GRID2: variants seen among roughly 807,000 people sequenced by gnomAD.
GRID2 encodes glutamate ionotropic receptor delta type subunit 2.
Under a neutral mutation model 114.8 loss-of-function variants are expected in GRID2, and 33 were observed. The ratio of observed to expected loss-of-function variants is 0.29; its 90% CI spans 0.22 to 0.38. GRID2 has a LOEUF of 0.38. GRID2 is among the 10% of genes least tolerant of loss of function. GRID2 has a pLI of 1.00. For synonymous variants in GRID2, 505 were observed against 449.9 expected (o/e 1.12, Z -1.55); for missense variants, 1,184 against 1,257.7 (o/e 0.94, Z 0.89).
chr4:92,565,867 A>C (rs1027601475), intron 1 of GRID2, among the ~76,000 whole-genome samples: 3 of 152,082 alleles, frequency 2.0e-5, no homozygotes, highest in African/African-American at 7.2e-5. Flanking sequence ...AAATTACCAC[A>C]AACTTAGCAA....
chr4:93,747,947 G>A (rs1433270175), intron 14 of GRID2, among the ~76,000 whole-genome samples: 1 of 151,866 alleles, frequency 6.6e-6, no homozygotes, highest in East Asian at 1.9e-4. Context: ...AACTTGCAGA[G>A]GAAATGTCTT....
chr4:92,463,587 G>A (rs1721600981), intron 1 of GRID2, among the ~76,000 whole-genome samples: 1 of 151,810 alleles, frequency 6.6e-6, no homozygotes, highest in East Asian at 1.9e-4. Context: ...TCAATCCTGA[G>A]GTATCAAATC....
At chr4:93,053,303 G>C (rs1726898293) in intron 2 of GRID2, among the ~76,000 whole-genome samples, 1 of 151,922 alleles carries the variant, frequency 6.6e-6, no homozygotes. Context: ...AGATGATTCT[G>C]ATGCATGCCA....
intron 1 of GRID2, among the ~76,000 whole-genome samples, chr4:92,521,260 A>G (rs1724762696): frequency 6.6e-6 from 1 of 151,944 alleles, no homozygotes; most frequent in African/African-American, 2.4e-5. Context: ...TTGAAATTTC[A>G]CAGTTGTCTT....
intron 8 of GRID2, among the ~76,000 whole-genome samples, chr4:93,295,942 G>A (rs913275594): frequency 1.3e-5 from 2 of 152,304 alleles, no homozygotes; most frequent in African/African-American, 4.8e-5. Flanking sequence ...TTGTGAATTT[G>A]ACTACAGCAG....
chr4:92,917,030 T>C (rs951177349), intron 2 of GRID2, among the ~76,000 whole-genome samples: 18 of 152,172 alleles, frequency 1.2e-4, no homozygotes, highest in African/African-American at 4.3e-4. Flanking sequence ...ACCTGTTGTT[T>C]CCTGACATTT....
At chr4:92,333,961 G>C (rs1408604058) in intron 1 of GRID2, among the ~76,000 whole-genome samples, 2 of 151,988 alleles carry the variant, frequency 1.3e-5, no homozygotes. Flanking sequence ...AATCTTCTGG[G>C]CCCTTGCAAT....
At chr4:93,459,808 C>T (rs550869403) in intron 11 of GRID2, among the ~76,000 whole-genome samples, 85 of 152,248 alleles carry the variant, frequency 5.6e-4, no homozygotes, top group Middle Eastern at 3.4e-3. Context: ...GAATTTGAAC[C>T]TTCTTAGCCT....
chr4:93,474,867 C>A (rs1355912900), intron 11 of GRID2, among the ~76,000 whole-genome samples: 1 of 152,132 alleles, frequency 6.6e-6, no homozygotes, highest in African/African-American at 2.4e-5. Context: ...GAATACAGTT[C>A]TAAAACACTT....
chr4:92,735,149 A>G lies in GRID2; in HGVS notation c.244+144863A>G, dbSNP rs1736528682. Among the ~76,000 whole-genome samples, 3 of 152,092 alleles carry G rather than the reference A, an allele frequency of 2.0e-5. No individual in the cohort carries two copies. The South Asian group carries it at 6.2e-4, about 32-fold the overall frequency. ...ATTTTAACATATAATTATCCAATTT[A>G]ATATTAATCCTTTTTGATATTAATC... On this transcript the variant is annotated intron_variant, in intron 2 of 15. Coordinates refer to ENST00000282020, the MANE Select transcript of GRID2 (RefSeq NM_001510.4).
chr4:92,461,268 T>G (rs1721482810), intron 1 of GRID2, among the ~76,000 whole-genome samples: 1 of 151,964 alleles, frequency 6.6e-6, no homozygotes, highest in Non-Finnish European at 1.5e-5. Context: ...GATAGGTTCT[T>G]GGAAACTGTG....
At chr4:92,896,778 T>C (rs900985377) in intron 2 of GRID2, among the ~76,000 whole-genome samples, 7 of 152,200 alleles carry the variant, frequency 4.6e-5, no homozygotes, top group Non-Finnish European at 7.3e-5. Context: ...AGTCTCGCTC[T>C]GTCGCCCAGG....
At chr4:93,058,641 A>G (rs1727490188) in intron 2 of GRID2, among the ~76,000 whole-genome samples, 2 of 152,010 alleles carry the variant, frequency 1.3e-5, no homozygotes, top group South Asian at 4.1e-4. Context: ...TTCAGGAAAT[A>G]GAAAAGTTCT....
chr4:93,123,829 C>G (rs937046205), intron 4 of GRID2, among the ~76,000 whole-genome samples: 1 of 152,030 alleles, frequency 6.6e-6, no homozygotes, highest in Non-Finnish European at 1.5e-5. Flanking sequence ...CTGTAGTCTT[C>G]TCAAAGCAAG....
At chr4:92,594,176 A>G (rs969350219) in intron 2 of GRID2, among the ~76,000 whole-genome samples, 1 of 151,856 alleles carries the variant, frequency 6.6e-6, no homozygotes, top group Non-Finnish European at 1.5e-5. Flanking sequence ...ATGCATATAT[A>G]TAGACACACA....
chr4:92,981,973 G>T (rs1022566629), intron 2 of GRID2, among the ~76,000 whole-genome samples: 1 of 128,674 alleles, frequency 7.8e-6, no homozygotes, highest in Non-Finnish European at 1.6e-5. Context: ...GGGAAATTTA[G>T]TTTATTTCAG....
intron 1 of GRID2, among the ~76,000 whole-genome samples, chr4:92,468,747 A>G (rs1721877949): frequency 6.6e-6 from 1 of 152,110 alleles, no homozygotes; most frequent in African/African-American, 2.4e-5. Flanking sequence ...TTTCATTGTG[A>G]AAAGTTAGCA....
chr4:93,392,050 T>C (rs1369720995), intron 8 of GRID2, among the ~76,000 whole-genome samples: 2 of 152,182 alleles, frequency 1.3e-5, no homozygotes, highest in East Asian at 3.9e-4. Flanking sequence ...TTATCCCGTC[T>C]AAATTTTCTT....
At chr4:93,243,886 C>G (rs1436427424) in intron 8 of GRID2, among the ~76,000 whole-genome samples, 1 of 151,836 alleles carries the variant, frequency 6.6e-6, no homozygotes, top group Non-Finnish European at 1.5e-5. Flanking sequence ...AACTCAAAGT[C>G]AAATTTTGAA....
Sources: allele counts gnomAD v4.1 joint callset (sites outside exome capture counted in the v4.1 genomes callset), GRCh38; gene constraint gnomAD v4.1.1; transcripts MANE v1.5; gene names NCBI Gene and HGNC (gene_info 2026-07-23, HGNC 2026-07-21).